Variants in SUSD1 observed in about 807,000 individuals in gnomAD.
The protein encoded by SUSD1 is sushi domain-containing protein 1.
In SUSD1, 65 loss-of-function variants were observed where a neutral mutation model predicts 86.9. The ratio of observed to expected loss-of-function variants is 0.75; its 90% confidence interval spans 0.61 to 0.92. The LOEUF (loss-of-function observed/expected upper bound fraction) is 0.92. SUSD1 is among the 40% of genes least tolerant of loss of function. The pLI, the probability that SUSD1 is intolerant of heterozygous loss-of-function variation, is 0.00. For synonymous variants in SUSD1, 346 were observed against 350.0 expected, an observed-to-expected ratio of 0.99 and a Z score of 0.13; for missense variants, 850 against 929.7, an observed-to-expected ratio of 0.91 and a Z score of 1.11.
chr9:112,111,273 C>T (rs371172087), intron 8 of SUSD1, among the ~76,000 whole-genome samples: 6 of 152,220 alleles, frequency 3.9e-5, no homozygotes, highest in Admixed American at 3.3e-4. Context: ...GGATTATAGG[C>T]GTGAGCCACC....
intron 1 of SUSD1, among the ~76,000 whole-genome samples, chr9:112,165,237 C>T (rs1224359995): frequency 1.3e-5 from 2 of 152,058 alleles, no homozygotes; most frequent in Non-Finnish European, 2.9e-5. Flanking sequence ...GCATGCAATG[C>T]GTAGTAATCA....
intron 3 of SUSD1, among the ~76,000 whole-genome samples, chr9:112,144,636 T>C (rs756394442): frequency 2.0e-5 from 3 of 152,144 alleles, no homozygotes; most frequent in Admixed American, 6.6e-5. Context: ...AACAACATTT[T>C]TAATGTTTTA....
At chr9:112,114,357 C>T (rs1191776859) in intron 6 of SUSD1, among the ~76,000 whole-genome samples, 1 of 152,052 alleles carries the variant, frequency 6.6e-6, no homozygotes, top group African/African-American at 2.4e-5. Context: ...GTGGTGCATG[C>T]CTGTAGTCCC....
chr9:112,135,097 G>A (rs113714338), intron 5 of SUSD1, among the ~76,000 whole-genome samples: 69 of 151,856 alleles, frequency 4.5e-4, no homozygotes, highest in African/African-American at 1.6e-3. Flanking sequence ...GTTATTGCAA[G>A]CATAAAAGAA....
intron 12 of SUSD1, among the ~76,000 whole-genome samples, 197 bp from the exon 13 acceptor site, chr9:112,063,230 C>A (rs975513486): frequency 1.3e-5 from 2 of 152,056 alleles, no homozygotes; most frequent in Admixed American, 1.3e-4. Flanking sequence ...TCTATCATTC[C>A]ACTTAGATGA....
At chr9:112,102,314 A>T in intron 8 of SUSD1, 29 bp from the exon 9 acceptor site, 1 of 1,307,486 alleles carries the variant, frequency 7.6e-7, no homozygotes, top group South Asian at 1.4e-5. Context: ...AGTTATAGAC[A>T]GCTTGCACCA....
intron 1 of SUSD1, among the ~76,000 whole-genome samples, chr9:112,174,161 TG>T (rs1834169987): frequency 6.6e-6 from 1 of 152,200 alleles, no homozygotes; most frequent in Non-Finnish European, 1.5e-5. Flanking sequence ...CCCCCGGGCC[TG>T]AATTCTGAAG....
At chr9:112,066,047 C>T (rs938542378) in intron 12 of SUSD1, among the ~76,000 whole-genome samples, 1 of 152,232 alleles carries the variant, frequency 6.6e-6, no homozygotes, top group African/African-American at 2.4e-5. Context: ...AAGGCTCAGG[C>T]AGGCCGAGTC....
chr9:112,059,252 T>C (rs1020554171), intron 13 of SUSD1, among the ~76,000 whole-genome samples: 21 of 152,178 alleles, frequency 1.4e-4, no homozygotes, highest in Non-Finnish European at 2.9e-4. Context: ...CTCTCCAAGT[T>C]CTGGCTGCAG....
At chr9:112,153,843 G>A (rs1192816294) in intron 2 of SUSD1, among the ~76,000 whole-genome samples, 1 of 151,764 alleles carries the variant, frequency 6.6e-6, no homozygotes, top group Non-Finnish European at 1.5e-5. Context: ...TGAACTCCTG[G>A]CTTCAGGTGA....
intron 1 of SUSD1, among the ~76,000 whole-genome samples, chr9:112,171,670 C>T (rs888719396): frequency 2.6e-5 from 4 of 152,010 alleles, no homozygotes; most frequent in Non-Finnish European, 5.9e-5. Flanking sequence ...TCCTCGCCCC[C>T]CACTTTAAGA....
intron 2 of SUSD1, 42 bp downstream of exon 2, chr9:112,157,458 C>G: frequency 7.2e-7 from 1 of 1,396,058 alleles, no homozygotes; most frequent in Non-Finnish European, 1.0e-6. Context: ...AATCTTGTTT[C>G]TCGATTCAGC....
At chr9:112,128,524 G>T (rs1166504870) in intron 5 of SUSD1, among the ~76,000 whole-genome samples, 1 of 152,110 alleles carries the variant, frequency 6.6e-6, no homozygotes, top group Non-Finnish European at 1.5e-5. Flanking sequence ...CTCCTGAGTA[G>T]CTGGGATTAC....
At chr9:112,174,155 C>G (rs74916377) in intron 1 of SUSD1, among the ~76,000 whole-genome samples, 1 of 152,176 alleles carries the variant, frequency 6.6e-6, no homozygotes, top group Non-Finnish European at 1.5e-5. Flanking sequence ...CCTTCTCCCC[C>G]GGGCCTGAAT....
chr9:112,080,116 T>A lies in SUSD1; in HGVS notation c.1524A>T (p.Arg508Ser). Residue 508 changes from arginine (R) to serine (S), a missense_variant, in exon 11 of 17, where the codon AGA becomes AGT. Transcript: ENST00000374270. Reference sequence around the variant, plus strand: ...TATCAGCTGTCTTGATGCTTCTCCATCTCAAGCAGGTTTCATTAAATCCTG... The same window carrying A: ...TATCAGCTGTCTTGATGCTTCTCCAACTCAAGCAGGTTTCATTAAATCCTG... Reference protein sequence around the residue: ...NISGFNETCLRWRSIKTADME... With the variant: ...NISGFNETCLSWRSIKTADME... The A allele has an allele frequency of 6.2e-7, 1 of 1,613,724 alleles. No homozygotes were observed. The highest frequency in any genetic ancestry group is 8.5e-7 in the Non-Finnish European group (1 of 1,179,710).
intron 1 of SUSD1, among the ~76,000 whole-genome samples, chr9:112,168,307 A>C (rs1195080820): frequency 6.6e-6 from 1 of 152,248 alleles, no homozygotes; most frequent in Non-Finnish European, 1.5e-5. Context: ...ATCTTTGTGC[A>C]TTCAGGTGTC....
intron 1 of SUSD1, among the ~76,000 whole-genome samples, chr9:112,166,138 A>C (rs1833820355): frequency 6.6e-6 from 1 of 152,164 alleles, no homozygotes; most frequent in African/African-American, 2.4e-5. Flanking sequence ...TCTGCAGATG[A>C]GAAGGTGGTT....
intron 10 of SUSD1, among the ~76,000 whole-genome samples, chr9:112,094,384 C>T (rs186474202): frequency 4.1e-4 from 63 of 152,218 alleles, no homozygotes; most frequent in African/African-American, 1.3e-3. Flanking sequence ...CTGAGTTCAC[C>T]CCCACACCAA....
chr9:112,074,648 A>G (rs2131543272), intron 12 of SUSD1, among the ~76,000 whole-genome samples: 1 of 152,246 alleles, frequency 6.6e-6, no homozygotes, highest in East Asian at 1.9e-4. Flanking sequence ...CCAGACCCAA[A>G]TCCTTAGCCT....
Sources: gnomAD v4.1 joint callset for allele counts (sites outside exome capture counted in the v4.1 genomes callset) on GRCh38, gnomAD v4.1.1 for gene constraint, MANE v1.5 for transcripts, NCBI Gene and HGNC (gene_info 2026-07-23, HGNC 2026-07-21) for gene names.